The following CDH20 variants were observed in gnomAD, a reference collection of about 807,000 sequenced individuals.
CDH20 encodes cadherin-20.
CDH20 carries 29 observed loss-of-function variants against 74.2 expected under a neutral mutation model. The ratio of observed to expected loss-of-function variants is 0.39; its 90% CI spans 0.29 to 0.53. The LOEUF (loss-of-function observed/expected upper bound fraction) is 0.53. Ranked by LOEUF, CDH20 falls within the 20% of genes least tolerant of loss-of-function variation. The pLI is 0.69. For missense variants in CDH20, 988 were observed against 1,048.3 expected, an observed-to-expected ratio of 0.94 and a Z score of 0.79; for synonymous variants, 469 against 405.4, an observed-to-expected ratio of 1.16 and a Z score of -1.88.
chr18:61,336,241 G>A (rs902044173), intron 1 of CDH20, among the ~76,000 whole-genome samples: 16 of 152,242 alleles, frequency 1.1e-4, no homozygotes, highest in Non-Finnish European at 1.5e-5. Flanking sequence ...GATTCAGGAA[G>A]AGGACTCCCT....
chr18:61,470,975 A>T (rs1910154003), intron 1 of CDH20, among the ~76,000 whole-genome samples: 1 of 152,134 alleles, frequency 6.6e-6, no homozygotes, highest in Non-Finnish European at 1.5e-5. Flanking sequence ...ACCAAGACGC[A>T]TTCTAAAGTG....
At chr18:61,342,437 C>T (rs1909982985) in intron 1 of CDH20, among the ~76,000 whole-genome samples, 1 of 152,180 alleles carries the variant, frequency 6.6e-6, no homozygotes, top group African/African-American at 2.4e-5. Flanking sequence ...GACTCTCTGG[C>T]TCCCACGCCT....
intron 1 of CDH20, among the ~76,000 whole-genome samples, chr18:61,425,155 A>G (rs571678260): frequency 7.9e-5 from 12 of 151,904 alleles, no homozygotes; most frequent in Non-Finnish European, 1.6e-4. Flanking sequence ...CTTACTGAAG[A>G]TGCAAGACAA....
chr18:61,418,601 A>G (rs1237896133), intron 1 of CDH20, among the ~76,000 whole-genome samples: 1 of 150,892 alleles, frequency 6.6e-6, no homozygotes, highest in African/African-American at 2.4e-5. Flanking sequence ...ATGTAAATAA[A>G]TTTTTTCTAA....
chr18:61,486,615 C>T (rs1158443275), intron 1 of CDH20, among the ~76,000 whole-genome samples: 1 of 119,994 alleles, frequency 8.3e-6, no homozygotes, highest in Non-Finnish European at 1.8e-5. Context: ...ATTGTACTAT[C>T]TAAGATCTCC....
chr18:61,354,057 AAAAG>A (rs1568107228), intron 1 of CDH20, among the ~76,000 whole-genome samples: 1 of 151,938 alleles, frequency 6.6e-6, no homozygotes, highest in Non-Finnish European at 1.5e-5. Flanking sequence ...AAAAAAAAGA[AAAAG>A]AAAAAGAAAA....
chr18:61,403,737 G>C (rs1234282250), intron 1 of CDH20, among the ~76,000 whole-genome samples: 1 of 152,122 alleles, frequency 6.6e-6, no homozygotes, highest in South Asian at 2.1e-4. Context: ...AATACCATTT[G>C]AACCAACAAT....
In CDH20 at chr18:61,528,019, A is replaced by G. The variant is rs769890890; in HGVS notation, c.1070A>G (p.Asn357Ser). 4 of 1,614,046 alleles carry G rather than the reference A, an allele frequency of 2.5e-6. No homozygotes were observed. The highest frequency in any genetic ancestry group is 1.3e-5 in the African/African-American group (1 of 75,026). The change falls in exon 7 of 12, where the codon AAT becomes AGT. Residue 357 changes from asparagine to serine, a missense_variant. By Grantham distance (46) the Asn-to-Ser change is conservative. This residue lies in a region of CDH20 where 613 missense variants were observed against 755.2 expected (regional missense o/e 0.81). Transcript: ENST00000262717. ...KSYTLKVEGA[N>S]PHLEMRFLNL... The stretch of plus-strand genomic sequence containing the variant: ...TACACCTTAAAGGTGGAGGGAGCCA[A>G]TCCTCACCTAGAGATGCGTTTTCTG...
At chr18:61,362,707 T>C (rs1308144764) in intron 1 of CDH20, among the ~76,000 whole-genome samples, 4 of 152,056 alleles carry the variant, frequency 2.6e-5, no homozygotes, top group African/African-American at 9.7e-5. Flanking sequence ...GTACTATGAC[T>C]ACATAGACTT....
chr18:61,461,068 T>C (rs1176278150), intron 1 of CDH20, among the ~76,000 whole-genome samples: 2 of 152,170 alleles, frequency 1.3e-5, no homozygotes, highest in Admixed American at 6.5e-5. Flanking sequence ...ATTTTGCATT[T>C]TGTGAAAAGG....
chr18:61,362,783 G>A (rs1910742767), intron 1 of CDH20, among the ~76,000 whole-genome samples: 1 of 152,034 alleles, frequency 6.6e-6, no homozygotes, highest in Non-Finnish European at 1.5e-5. Context: ...AGTAGACTTA[G>A]TATGACATAG....
chr18:61,522,428 AT>A (rs1912244552), intron 6 of CDH20, among the ~76,000 whole-genome samples: 1 of 152,240 alleles, frequency 6.6e-6, no homozygotes, highest in East Asian at 1.9e-4. Flanking sequence ...ACACAAACAA[AT>A]GAAAAAACAT....
chr18:61,468,274 A>C (rs547660977), intron 1 of CDH20, among the ~76,000 whole-genome samples: 8 of 152,210 alleles, frequency 5.3e-5, no homozygotes, highest in Non-Finnish European at 1.0e-4. Context: ...CAGAAATGAC[A>C]ATCTTGATAG....
intron 1 of CDH20, among the ~76,000 whole-genome samples, chr18:61,470,178 C>A (rs1265757796): frequency 6.6e-6 from 1 of 152,182 alleles, no homozygotes; most frequent in African/African-American, 2.4e-5. Context: ...CACACCAGAG[C>A]ACCCTGGGGG....
intron 1 of CDH20, among the ~76,000 whole-genome samples, chr18:61,367,578 C>T (rs1471293637): frequency 6.6e-6 from 1 of 152,088 alleles, no homozygotes; most frequent in Non-Finnish European, 1.5e-5. Context: ...GCTGGTATTC[C>T]TTGGCTCATG....
intron 6 of CDH20, among the ~76,000 whole-genome samples, chr18:61,527,365 TAATAGATAGATA>T (rs1206199210): frequency 3.2e-5 from 4 of 125,964 alleles, no homozygotes; most frequent in African/African-American, 1.2e-4. Flanking sequence ...ATGAATATTC[TAATAGATAGATA>T]GATAGATAGA....
chr18:61,445,851 A>T (rs1342025775), intron 1 of CDH20, among the ~76,000 whole-genome samples: 1 of 152,134 alleles, frequency 6.6e-6, no homozygotes, highest in East Asian at 1.9e-4. Flanking sequence ...GGGCTGGTCA[A>T]CCCAAGATTT....
chr18:61,492,170 C>T (rs149209373), intron 2 of CDH20, among the ~76,000 whole-genome samples: 2 of 152,090 alleles, frequency 1.3e-5, no homozygotes, highest in South Asian at 2.1e-4. Context: ...TTCTCCTAAA[C>T]GTAGTCTGCC....
At chr18:61,390,298 A>G (rs1443387387) in intron 1 of CDH20, among the ~76,000 whole-genome samples, 2 of 152,220 alleles carry the variant, frequency 1.3e-5, no homozygotes, top group Non-Finnish European at 2.9e-5. Flanking sequence ...CCTGTTTCTC[A>G]TATATTTCAG....
Sources: allele counts gnomAD v4.1 joint callset (sites outside exome capture counted in the v4.1 genomes callset), GRCh38; gene constraint gnomAD v4.1.1; regional missense constraint gnomAD v4.1.1; transcripts MANE v1.5; gene names NCBI Gene and HGNC (gene_info 2026-07-23, HGNC 2026-07-21).